The following OLFM4 variants were observed in gnomAD, a reference collection of about 807,000 sequenced individuals.
OLFM4 encodes olfactomedin-4.
A neutral mutation model predicts 25.5 loss-of-function variants in OLFM4; 22 were observed. The observed-to-expected ratio is 0.86, with a 90% confidence interval of 0.62 to 1.23. The LOEUF (loss-of-function observed/expected upper bound fraction) is 1.23, where lower values mean the gene tolerates loss of function less well. Among genes scored for constraint, OLFM4 ranks in the 50% most tolerant of loss-of-function variants. The pLI is 0.00. For missense variants in OLFM4, 594 were observed against 619.4 expected, an observed-to-expected ratio of 0.96 and a Z score of 0.44; for synonymous variants, 255 against 237.7, an observed-to-expected ratio of 1.07 and a Z score of -0.67.
intron 4 of OLFM4, among the ~76,000 whole-genome samples, 181 bp downstream of exon 4, chr13:53,043,445 C>T (rs1176771731): frequency 6.8e-6 from 1 of 148,036 alleles, no homozygotes; most frequent in Non-Finnish European, 1.5e-5. Flanking sequence ...AAGTATTCTA[C>T]ATGCTATCAT....
At chr13:53,037,118 T>TA (rs2138234366) in intron 2 of OLFM4, among the ~76,000 whole-genome samples, 1 of 152,362 alleles carries the variant, frequency 6.6e-6, no homozygotes, top group South Asian at 2.1e-4. Flanking sequence ...AATGCCCGTT[T>TA]AGGACAGGCC....
intron 4 of OLFM4, among the ~76,000 whole-genome samples, chr13:53,048,115 G>A (rs1054893817): frequency 3.9e-5 from 6 of 152,092 alleles, no homozygotes; most frequent in Admixed American, 1.3e-4. Context: ...TGAACACACC[G>A]CTAACTTTAT....
chr13:53,030,356 G>A (rs143320923), intron 1 of OLFM4, among the ~76,000 whole-genome samples: 5 of 152,150 alleles, frequency 3.3e-5, no homozygotes, highest in African/African-American at 9.7e-5. Flanking sequence ...AGGCTGGAGT[G>A]CAGTGGCACG....
At chr13:53,037,708 CTTTA>C (rs1304977644) in intron 2 of OLFM4, among the ~76,000 whole-genome samples, 2 of 152,136 alleles carry the variant, frequency 1.3e-5, no homozygotes, top group African/African-American at 4.8e-5. Flanking sequence ...CTCCAAAGTA[CTTTA>C]TATGTCTTTA....
In OLFM4 at chr13:53,028,998, C is replaced by T. The variant is rs1159767976; in HGVS notation, c.162C>T (p.Ser54=). 1.9e-6 allele frequency: 3 copies of T among 1,614,094 alleles called. No homozygotes were observed. Among genetic ancestry groups the T allele is most frequent in the East Asian group, 4.5e-5 (2 of 44,892 alleles). Reference sequence around the variant, plus strand: ...TCAGCTCCAGCTCCAGGTCGGGCTCCAGCTCCAGCCGCAGCTTAGGCAGCG... The same window carrying T: ...TCAGCTCCAGCTCCAGGTCGGGCTCTAGCTCCAGCCGCAGCTTAGGCAGCG... The part of the protein sequence containing the change: ...SSFSSSSRSG[S]SSSRSLGSGG... The change falls in exon 1 of 5, where the codon TCC becomes TCT. Residue 54 remains serine (S), a synonymous_variant. Transcript: ENST00000219022.
chr13:53,031,054 C>A (rs1393300860), intron 1 of OLFM4, among the ~76,000 whole-genome samples: 2 of 152,150 alleles, frequency 1.3e-5, no homozygotes, highest in Non-Finnish European at 2.9e-5. Flanking sequence ...AAATACAGAT[C>A]AAGAAACAGA....
chr13:53,043,067 C>T (rs760253975), intron 3 of OLFM4, 38 bp from the exon 4 acceptor site: 10 of 1,509,850 alleles, frequency 6.6e-6, no homozygotes, highest in African/African-American at 2.8e-5. Flanking sequence ...AGAAATTGCA[C>T]CATAATATAA....
intron 2 of OLFM4, among the ~76,000 whole-genome samples, chr13:53,037,016 C>G (rs2088904174): frequency 6.6e-6 from 1 of 152,144 alleles, no homozygotes; most frequent in South Asian, 2.1e-4. Flanking sequence ...CAAAGTTATC[C>G]CTTTAGCTGA....
At chr13:53,029,373 T>C (rs1041927165) in intron 1 of OLFM4, among the ~76,000 whole-genome samples, 8 of 152,212 alleles carry the variant, frequency 5.3e-5, no homozygotes, top group African/African-American at 1.7e-4. Context: ...AAATCCTACA[T>C]AGATGTATAC....
At chr13:53,029,506 T>C (rs1214259963) in intron 1 of OLFM4, among the ~76,000 whole-genome samples, 3 of 152,210 alleles carry the variant, frequency 2.0e-5, no homozygotes, top group African/African-American at 7.2e-5. Flanking sequence ...TTTTGCTGCC[T>C]GGCAGGATCC....
chr13:53,041,383 A>G (rs1287010314), intron 2 of OLFM4, among the ~76,000 whole-genome samples: 2 of 152,212 alleles, frequency 1.3e-5, no homozygotes, highest in Non-Finnish European at 2.9e-5. Context: ...ACAGAAAACC[A>G]AATACCACAT....
chr13:53,046,281 CA>C (rs754587344), intron 4 of OLFM4, among the ~76,000 whole-genome samples: 14 of 152,040 alleles, frequency 9.2e-5, no homozygotes, highest in African/African-American at 3.4e-4. Flanking sequence ...TTATTGGCTT[CA>C]AAAAAATGCT....
rs140699609 is a variant in OLFM4 at position 53,030,057 on chromosome 13, T to C, written c.204+1017T>C. ...TTCTCTCTCTAAGCCTCTAGGATCT[T>C]TCCTCACAGGTCAGGTAGCTGCTTA... is the stretch of plus-strand genomic sequence containing the variant. On this transcript the variant is annotated intron_variant, in intron 1 of 4. Transcript: ENST00000219022. Among the ~76,000 whole-genome samples, 3 of 152,296 alleles carry C rather than the reference T, an allele frequency of 2.0e-5. No homozygotes were observed. The East Asian group carries it at 5.8e-4, about 29-fold the overall frequency.
At chr13:53,046,924 C>A (rs1326626950) in intron 4 of OLFM4, among the ~76,000 whole-genome samples, 4 of 152,174 alleles carry the variant, frequency 2.6e-5, no homozygotes, top group Non-Finnish European at 4.4e-5. Flanking sequence ...TACTAGGCTG[C>A]CTTCCATAGC....
In OLFM4 at chr13:53,050,838, A is replaced by G. The variant is rs1954744721; in HGVS notation, c.*67A>G. The G allele has an allele frequency of 7.3e-7, 1 of 1,366,244 alleles. No homozygotes were observed. Among genetic ancestry groups the G allele is most frequent in the Non-Finnish European group, 1.0e-6 (1 of 1,004,872 alleles). The allele number at this position is 1,366,244 out of a possible 1,614,324, so 84.6% of individuals were successfully genotyped here. On this transcript the variant is annotated 3_prime_UTR_variant, in exon 5 of 5. Coordinates refer to ENST00000219022, the MANE Select transcript of OLFM4 (RefSeq NM_006418.5). ...AAAATAGTCTTCTCCACTTACTTAG[A>G]TATCTGCAGGGGTGTCTAAAAGTGT...
At chr13:53,038,106 T>A (rs1274255698) in intron 2 of OLFM4, among the ~76,000 whole-genome samples, 1 of 152,168 alleles carries the variant, frequency 6.6e-6, no homozygotes, top group Non-Finnish European at 1.5e-5. Context: ...CTTGTCATGA[T>A]GAGGAGCTTC....
intron 2 of OLFM4, among the ~76,000 whole-genome samples, chr13:53,037,967 C>T (rs1954667423): frequency 6.6e-6 from 1 of 152,134 alleles, no homozygotes; most frequent in African/African-American, 2.4e-5. Context: ...AATCAACGCT[C>T]ACACAAATTT....
chr13:53,041,781 G>C lies in OLFM4; in HGVS notation c.358-129G>C, dbSNP rs1954687953. ...TAAAAATCTAGTTAAATGTATTTTT[G>C]ATCTATTTATTTACAAAACACAATG... On this transcript the variant is annotated intron_variant, in intron 2 of 4. Transcript: ENST00000219022. The C allele has an allele frequency of 6.4e-6, 4 of 627,706 alleles. 1 individual carries two copies. The Admixed American group carries it at 8.7e-5, about 14-fold the overall frequency. 38.9% of individuals were successfully genotyped at this position (627,706 alleles called of 1,614,324 possible).
Position 53,050,894 on chromosome 13 carries a change from G to A in OLFM4, c.*123G>A, listed in dbSNP as rs115643473. Reference sequence around the variant, plus strand: ...TTTTGCAGCAATGTTTAGGTGCATAGTTCTACCACACTAGAGATCTAGGAC... The same window carrying A: ...TTTTGCAGCAATGTTTAGGTGCATAATTCTACCACACTAGAGATCTAGGAC... On this transcript the variant is annotated 3_prime_UTR_variant, in exon 5 of 5. Coordinates refer to ENST00000219022, the MANE Select transcript of OLFM4 (RefSeq NM_006418.5). The A allele has an allele frequency of 5.2e-3, 3,942 of 764,694 alleles. 101 individuals carry two copies. In the African/African-American group the frequency reaches 0.059, roughly 12 times the overall value. 47.4% of individuals were successfully genotyped at this position (764,694 alleles called of 1,614,324 possible).
Sources: gnomAD v4.1 joint callset for allele counts (sites outside exome capture counted in the v4.1 genomes callset) on GRCh38, gnomAD v4.1.1 for gene constraint, MANE v1.5 for transcripts, NCBI Gene and HGNC (gene_info 2026-07-23, HGNC 2026-07-21) for gene names.